STXBP5L: variants seen among roughly 807,000 people sequenced by gnomAD.
The protein encoded by STXBP5L is syntaxin-binding protein 5-like.
In STXBP5L, 65 loss-of-function variants were observed where a neutral mutation model predicts 144.5. The ratio of observed to expected loss-of-function variants is 0.45; its 90% CI spans 0.37 to 0.55. STXBP5L has a LOEUF of 0.55. Among genes scored for constraint, STXBP5L ranks in the 20% least tolerant of loss-of-function variants. The pLI is 0.00. For missense variants in STXBP5L, 1,298 were observed against 1,405.5 expected (o/e 0.92, Z 1.22); for synonymous variants, 505 against 469.6 (o/e 1.08, Z -0.97).
At chr3:121,156,824 G>A (rs530068190) in intron 8 of STXBP5L, among the ~76,000 whole-genome samples, 2 of 152,100 alleles carry the variant, frequency 1.3e-5, no homozygotes, top group East Asian at 1.9e-4. Context: ...ATCTAGGGAT[G>A]ATTTTAAGTA....
chr3:121,018,523 CAAAAAA>C (rs139946627), intron 3 of STXBP5L, among the ~76,000 whole-genome samples: 1 of 101,942 alleles, frequency 9.8e-6, no homozygotes, highest in Non-Finnish European at 2.0e-5. Flanking sequence ...ATCCATATAC[CAAAAAA>C]AAAAAAAAAA....
At chr3:121,044,296 A>G (rs1947359551) in intron 4 of STXBP5L, among the ~76,000 whole-genome samples, 2 of 152,124 alleles carry the variant, frequency 1.3e-5, no homozygotes, top group African/African-American at 4.8e-5. Flanking sequence ...ACAGGTACCA[A>G]ATATAAAGAG....
chr3:121,056,554 A>G (rs993496138), intron 5 of STXBP5L, among the ~76,000 whole-genome samples: 3 of 152,160 alleles, frequency 2.0e-5, no homozygotes, highest in Non-Finnish European at 2.9e-5. Flanking sequence ...CCAATTTATA[A>G]CCCACATTTA....
At chr3:121,069,032 AGTTATAT>A (rs1230164692) in intron 5 of STXBP5L, among the ~76,000 whole-genome samples, 1 of 152,122 alleles carries the variant, frequency 6.6e-6, no homozygotes, top group African/African-American at 2.4e-5. Flanking sequence ...GAATGTGCAT[AGTTATAT>A]GTAATTTTAT....
chr3:121,095,659 A>G (rs955743965), intron 5 of STXBP5L, among the ~76,000 whole-genome samples: 1 of 152,250 alleles, frequency 6.6e-6, no homozygotes, highest in South Asian at 2.1e-4. Context: ...GGACTTCTGT[A>G]CATTGGTTAT....
chr3:121,057,544 T>G (rs1948547351), intron 5 of STXBP5L, among the ~76,000 whole-genome samples: 1 of 152,066 alleles, frequency 6.6e-6, no homozygotes, highest in Non-Finnish European at 1.5e-5. Context: ...TAATTTTGCC[T>G]GTTTTTGACA....
At chr3:121,007,238 C>T (rs755769742) in intron 3 of STXBP5L, among the ~76,000 whole-genome samples, 3 of 151,936 alleles carry the variant, frequency 2.0e-5, no homozygotes, top group African/African-American at 4.8e-5. Context: ...TGATAAGCCC[C>T]CTTGATTATG....
chr3:121,306,248 C>G (rs756937996), intron 19 of STXBP5L, among the ~76,000 whole-genome samples: 1 of 152,158 alleles, frequency 6.6e-6, no homozygotes, highest in Non-Finnish European at 1.5e-5. Flanking sequence ...TAATTCCTCT[C>G]CCCCTTCCAG....
At chr3:120,978,314 C>T (rs1014412275) in intron 3 of STXBP5L, among the ~76,000 whole-genome samples, 1 of 152,186 alleles carries the variant, frequency 6.6e-6, no homozygotes, top group Non-Finnish European at 1.5e-5. Flanking sequence ...TTTGCTGATA[C>T]CCTTTCTTCC....
intron 5 of STXBP5L, among the ~76,000 whole-genome samples, chr3:121,059,030 G>A (rs1185538150): frequency 6.6e-6 from 1 of 152,076 alleles, no homozygotes; most frequent in African/African-American, 2.4e-5. Context: ...TGGTGTTTTA[G>A]TCATGAAGTC....
chr3:121,260,428 C>A (rs2050346626), intron 18 of STXBP5L, among the ~76,000 whole-genome samples: 1 of 151,990 alleles, frequency 6.6e-6, no homozygotes, highest in Admixed American at 6.6e-5. Context: ...TTTTTGTTAT[C>A]TTTTATGGCT....
intron 3 of STXBP5L, among the ~76,000 whole-genome samples, chr3:121,001,516 C>G (rs1178234412): frequency 6.6e-6 from 1 of 152,162 alleles, no homozygotes; most frequent in Admixed American, 6.5e-5. Flanking sequence ...GCAGCCATTC[C>G]CACGTCAAAC....
At chr3:120,994,505 G>A (rs1336613576) in intron 3 of STXBP5L, among the ~76,000 whole-genome samples, 1 of 152,004 alleles carries the variant, frequency 6.6e-6, no homozygotes, top group Non-Finnish European at 1.5e-5. Context: ...TGAGAGTTGA[G>A]ATGTTGAATT....
intron 3 of STXBP5L, among the ~76,000 whole-genome samples, chr3:121,021,957 A>T (rs1399815769): frequency 1.3e-5 from 2 of 152,146 alleles, no homozygotes; most frequent in Admixed American, 1.3e-4. Context: ...TAAAAAATAT[A>T]CAAAAGACAA....
At chr3:121,177,512 G>A (rs142753262) in intron 9 of STXBP5L, among the ~76,000 whole-genome samples, 11 of 152,204 alleles carry the variant, frequency 7.2e-5, no homozygotes, top group African/African-American at 2.6e-4. Flanking sequence ...ATGAAACGAT[G>A]CTCAACATCA....
Position 121,134,651 on chromosome 3 carries a change from T to C in STXBP5L, c.669+12947T>C, listed in dbSNP as rs536947183. On this transcript the variant is annotated intron_variant, in intron 7 of 26. Transcript: ENST00000471454. ...ATTCCCGCCTATGAGTGAGAACATG[T>C]GGTGTTTGGTTTTTTGTTCTTGTGA... Among the ~76,000 whole-genome samples, 12 of 151,752 alleles carry C rather than the reference T, an allele frequency of 7.9e-5. No homozygotes were observed. The South Asian group carries it at 2.5e-3, about 32-fold the overall frequency.
chr3:121,174,745 C>A (rs2046865996), intron 9 of STXBP5L, among the ~76,000 whole-genome samples: 1 of 152,138 alleles, frequency 6.6e-6, no homozygotes, highest in Non-Finnish European at 1.5e-5. Flanking sequence ...CATGACCTTA[C>A]CAACCAACCA....
At chr3:121,078,363 A>C (rs947438242) in intron 5 of STXBP5L, among the ~76,000 whole-genome samples, 1 of 152,192 alleles carries the variant, frequency 6.6e-6, no homozygotes, top group African/African-American at 2.4e-5. Context: ...GTGTGTTTAC[A>C]AACCTTGAGC....
intron 9 of STXBP5L, among the ~76,000 whole-genome samples, chr3:121,184,922 A>C (rs1285398094): frequency 6.6e-6 from 1 of 152,198 alleles, no homozygotes; most frequent in Non-Finnish European, 1.5e-5. Flanking sequence ...AACATTCTTA[A>C]AGAAAAGAAT....
Sources: gnomAD v4.1 joint callset for allele counts (sites outside exome capture counted in the v4.1 genomes callset) on GRCh38, gnomAD v4.1.1 for gene constraint, MANE v1.5 for transcripts, NCBI Gene and HGNC (gene_info 2026-07-23, HGNC 2026-07-21) for gene names.